Variants in ABCC5 observed in about 807,000 individuals in gnomAD.
ABCC5 encodes the protein ATP binding cassette subfamily C member 5.
Under a neutral mutation model 160.9 loss-of-function variants are expected in ABCC5, and 61 were observed. The observed-to-expected ratio is 0.38, with a 90% CI of 0.31 to 0.47. ABCC5 has a LOEUF of 0.47. Ranked by LOEUF, ABCC5 falls within the 20% of genes least tolerant of loss-of-function variation. ABCC5 has a pLI of 0.99. For synonymous variants in ABCC5, 666 were observed against 700.6 expected (o/e 0.95, Z 0.78); for missense variants, 1,308 against 1,813.3 (o/e 0.72, Z 5.06).
At chr3:183,939,835 C>T (rs948042642) in intron 25 of ABCC5, among the ~76,000 whole-genome samples, 5 of 152,188 alleles carry the variant, frequency 3.3e-5, no homozygotes, top group African/African-American at 9.7e-5. Context: ...CTTGGCTGTA[C>T]GCCTGGTTCT....
rs1577533531 is a variant in ABCC5, at chr3:183,959,725, G to A, written c.2482+8C>T. 2 of 1,591,022 alleles carry A rather than the reference G, an allele frequency of 1.3e-6. No homozygotes were observed. The highest frequency in any genetic ancestry group is 1.7e-6 in the Non-Finnish European group (2 of 1,169,128). ...GACAAATCTAAAAATTTCAAAAAAG[G>A]CCATTACCTTCCTCTGGCTTTACTG... On this transcript the variant is annotated splice_region_variant and intron_variant, in intron 17 of 29. Transcript: ENST00000334444.
rs1336171132 is a variant in ABCC5, at chr3:183,963,767, G to C, written c.2032-179C>G. The stretch of plus-strand genomic sequence containing the variant: ...TGCCATGCTGATCCTTCAACGAAGT[G>C]GGGGAGTTGGCCCAGATGCCTCTTC... On this transcript the variant is annotated intron_variant, in intron 14 of 29. Coordinates refer to ENST00000334444, the MANE Select transcript of ABCC5 (RefSeq NM_005688.4). This position sits in a 1 kb window ranked among gnomAD's most constrained non-coding sequence, Gnocchi z 4.6. Among the ~76,000 whole-genome samples, 2 of 151,984 alleles carry C rather than the reference G, an allele frequency of 1.3e-5. No individual in the cohort carries two copies. The highest frequency in any genetic ancestry group is 2.9e-5 in the Non-Finnish European group (2 of 68,028).
Position 183,949,767 on chromosome 3 carries a change from C to T in ABCC5, c.3213G>A (p.Gln1071=), listed in dbSNP as rs150912353. The T allele has an allele frequency of 3.6e-4, 585 of 1,614,126 alleles. 6 individuals are homozygous for T. In the East Asian group the frequency reaches 0.012, roughly 33 times the overall value. Residue 1071 remains glutamine, a synonymous_variant, in exon 22 of 30, where the codon CAG becomes CAA. Coordinates refer to ENST00000334444, the MANE Select transcript of ABCC5 (RefSeq NM_005688.4). The surrounding 1 kb of genome is among the most constrained non-coding windows in gnomAD (Gnocchi z 4.2). ...LATIHAYNKG[Q]EFLHRYQELL... ...TCAGGACAAACCTGTGCAGAAACTCCTGCCCTTTATTGTAGGCGTGGATGG... is the reference window on the plus strand; with the variant it reads ...TCAGGACAAACCTGTGCAGAAACTCTTGCCCTTTATTGTAGGCGTGGATGG...
In ABCC5 at chr3:183,955,844, C is replaced by T. The variant is rs1363747457; in HGVS notation, c.2483-2574G>A. ...TACATGCAGCTCCGTGTGTATATCA[C>T]ATCGGTTACATGCAGATCCGTGTGT... On this transcript the variant is annotated intron_variant, in intron 17 of 29. Transcript: ENST00000334444. Among the ~76,000 whole-genome samples the T allele has an allele frequency of 2.1e-5, 3 of 143,544 alleles. 1 individual carries two copies. Among genetic ancestry groups the T allele is most frequent in the Non-Finnish European group, 4.6e-5 (3 of 65,286 alleles). 94.2% of individuals were successfully genotyped at this position (143,544 alleles called of 152,430 possible). A position where few individuals can be genotyped will look rare whatever the true frequency, so the allele number is the denominator to read the frequency against.
chr3:184,017,628 G>T lies in ABCC5; in HGVS notation c.-56+202C>A, dbSNP rs976178040. 6.7e-6 allele frequency among the ~76,000 whole-genome samples: 1 copy of T among 150,306 alleles called. No individual in the cohort carries two copies. Among genetic ancestry groups the T allele is most frequent in the East Asian group, 2.1e-4 (1 of 4,798 alleles). The stretch of plus-strand genomic sequence containing the variant: ...TGCCTGTCTTCCAGCACACGACCCC[G>T]TCACCAGACCCCGGGCTCACAGGCC... On this transcript the variant is annotated intron_variant, in intron 1 of 29. Transcript: ENST00000334444. This position sits in a 1 kb window ranked among gnomAD's most constrained non-coding sequence, Gnocchi z 4.5.
In ABCC5 at chr3:183,989,398, A is replaced by G. The variant is rs377105612; in HGVS notation, c.130-15T>C. ...TGGCATTCCAACTGTTCCAGCAGATAGGGAGAAAGGCAAGAGCACAGTTAA... is the reference window on the plus strand; with the variant it reads ...TGGCATTCCAACTGTTCCAGCAGATGGGGAGAAAGGCAAGAGCACAGTTAA... On this transcript the variant is annotated splice_polypyrimidine_tract_variant and intron_variant, in intron 2 of 29. Transcript: ENST00000334444. 29 of 1,613,138 alleles carry G rather than the reference A, an allele frequency of 1.8e-5. No homozygotes were observed. Among genetic ancestry groups the G allele is most frequent in the Non-Finnish European group, 2.5e-5 (29 of 1,179,614 alleles).
intron 26 of ABCC5, among the ~76,000 whole-genome samples, chr3:183,935,469 C>T (rs554440126): frequency 1.5e-4 from 23 of 151,468 alleles, no homozygotes; most frequent in South Asian, 6.3e-4. Context: ...TGTGAGCCAC[C>T]GCACTCGGCC....
At chr3:183,985,219 C>G in intron 5 of ABCC5, 5 of 1,250,772 alleles carry the variant, frequency 4.0e-6, no homozygotes, top group Non-Finnish European at 5.7e-6. Context: ...TCATTTAAAT[C>G]TAAACAAACT....
chr3:183,935,046 T>C (rs988687191), intron 26 of ABCC5, among the ~76,000 whole-genome samples: 3 of 151,978 alleles, frequency 2.0e-5, no homozygotes, highest in African/African-American at 4.8e-5. Context: ...TTTCAAGGTG[T>C]TCCTGTGGCA....
rs1214376849 is a variant in ABCC5, at chr3:183,951,935, C to T, written c.2736G>A (p.Gln912=). The change falls in exon 19 of 30, where the codon CAG becomes CAA. Residue 912 remains glutamine, a synonymous_variant. Coordinates refer to ENST00000334444, the MANE Select transcript of ABCC5 (RefSeq NM_005688.4). This position sits in a 1 kb window ranked among gnomAD's most constrained non-coding sequence, Gnocchi z 4.7. ...AGAGGGCGTAGATGCTGGCATAGTA[C>T]TGCATATGAGGATTGTCCTTCATGC... ...SDSMKDNPHM[Q]YYASIYALSM... is the part of the protein sequence containing the mutation. 5.0e-6 allele frequency: 8 copies of T among 1,613,918 alleles called. No homozygotes were observed. The Middle Eastern group carries it at 6.6e-4, about 133-fold the overall frequency.
chr3:184,015,506 T>C (rs1722118622), intron 1 of ABCC5, among the ~76,000 whole-genome samples: 1 of 152,140 alleles, frequency 6.6e-6, no homozygotes, highest in Non-Finnish European at 1.5e-5. Context: ...AGCACAAAAT[T>C]CTAACCATTA....
At chr3:183,930,460 C>T (rs1223643155) in intron 26 of ABCC5, among the ~76,000 whole-genome samples, 1 of 152,202 alleles carries the variant, frequency 6.6e-6, no homozygotes, top group Non-Finnish European at 1.5e-5. Context: ...CCCCAAAAGA[C>T]ACCTAAGTAC....
intron 15 of ABCC5, among the ~76,000 whole-genome samples, chr3:183,962,532 CTT>C (rs372339240): frequency 2.2e-4 from 29 of 132,940 alleles, no homozygotes; most frequent in Admixed American, 2.3e-4. Flanking sequence ...CAGTTTTTTT[CTT>C]TTTTTTTTTT....
At chr3:183,981,912 A>T (rs775872131) in intron 7 of ABCC5, 38 bp from the exon 8 acceptor site, 24 of 1,569,028 alleles carry the variant, frequency 1.5e-5, no homozygotes, top group Non-Finnish European at 2.0e-5. Flanking sequence ...ATTAAAGCTC[A>T]TTCAAACTTG....
chr3:184,003,342 C>A (rs756117799), intron 2 of ABCC5, among the ~76,000 whole-genome samples: 16 of 152,266 alleles, frequency 1.1e-4, no homozygotes, highest in South Asian at 4.1e-4. Context: ...AGAAACCTAC[C>A]AAGCACGTTT....
At chr3:183,973,502 T>C (rs1358342428) in intron 10 of ABCC5, among the ~76,000 whole-genome samples, 2 of 152,190 alleles carry the variant, frequency 1.3e-5, no homozygotes, top group African/African-American at 4.8e-5. Context: ...CCCTCCTTAG[T>C]TACTGAGAAC....
intron 2 of ABCC5, chr3:184,001,148 G>C (rs1720709906): frequency 2.3e-6 from 1 of 433,084 alleles, no homozygotes; most frequent in African/African-American, 2.0e-5. Context: ...AGCTACTCAG[G>C]AGGCTGAGGC....
In ABCC5 at chr3:183,921,495, G is replaced by A. The variant is rs1711967781; in HGVS notation, c.4213-94C>T. Reference sequence around the variant, plus strand: ...CTCAGTAAGTGCCAGTGCCCTCTGAGGGTAGAATCTGGGGACAATTCAACT... The same window carrying A: ...CTCAGTAAGTGCCAGTGCCCTCTGAAGGTAGAATCTGGGGACAATTCAACT... On this transcript the variant is annotated intron_variant, in intron 29 of 29. Coordinates refer to ENST00000334444, the MANE Select transcript of ABCC5 (RefSeq NM_005688.4). This position sits in a 1 kb window ranked among gnomAD's most constrained non-coding sequence, Gnocchi z 4.1. The A allele has an allele frequency of 6.0e-6, 7 of 1,167,334 alleles. No individual in the cohort carries two copies. Among genetic ancestry groups the A allele is most frequent in the South Asian group, 3.7e-5 (2 of 54,578 alleles). The allele number at this position is 1,167,334 out of a possible 1,614,324, so 72.3% of individuals were successfully genotyped here.
At chr3:184,000,763 C>T (rs1389073630) in intron 2 of ABCC5, 2 of 153,498 alleles carry the variant, frequency 1.3e-5, no homozygotes, top group African/African-American at 4.8e-5. Flanking sequence ...AATTTTACTG[C>T]ATAAAGGAAA....
Sources: gnomAD v4.1 joint callset for allele counts (sites outside exome capture counted in the v4.1 genomes callset) on GRCh38, gnomAD v4.1.1 for gene constraint, Gnocchi (gnomAD v3.1) non-coding constraint, MANE v1.5 for transcripts, NCBI Gene and HGNC (gene_info 2026-07-23, HGNC 2026-07-21) for gene names.